The following CNTLN variants were observed in gnomAD, a reference collection of about 807,000 sequenced individuals.
The protein encoded by CNTLN is centlein, also known as centlein, centrosomal protein.
CNTLN carries 212 observed loss-of-function variants against 180.0 expected under a neutral mutation model. The observed-to-expected ratio is 1.18, with a 90% CI of 1.05 to 1.32. The LOEUF (loss-of-function observed/expected upper bound fraction) is 1.32. Ranked by LOEUF, CNTLN falls within the 40% of genes most tolerant of loss-of-function variation. CNTLN has a pLI of 0.00. For missense variants in CNTLN, 2,095 were observed against 1,610.9 expected (o/e 1.30, Z -5.14); for synonymous variants, 722 against 563.1 (o/e 1.28, Z -3.99).
intron 2 of CNTLN, among the ~76,000 whole-genome samples, chr9:17,171,711 G>T (rs1238098705): frequency 1.3e-5 from 2 of 152,088 alleles, no homozygotes; most frequent in Middle Eastern, 3.2e-3. Context: ...GGTAGCAGTG[G>T]TTCTAGTATC....
At chr9:17,477,648 A>G (rs546084124) in intron 23 of CNTLN, among the ~76,000 whole-genome samples, 90 of 152,340 alleles carry the variant, frequency 5.9e-4, no homozygotes, top group Non-Finnish European at 1.1e-3. Context: ...AAAATTAGAA[A>G]TGGAGCCCAA....
chr9:17,418,688 AT>A (rs897074482), intron 18 of CNTLN, among the ~76,000 whole-genome samples: 43 of 151,764 alleles, frequency 2.8e-4, no homozygotes, highest in African/African-American at 9.2e-4. Context: ...AACCCTCAAC[AT>A]TTTTTTTATT....
At chr9:17,390,223 T>G (rs1370954140) in intron 14 of CNTLN, among the ~76,000 whole-genome samples, 1 of 140,868 alleles carries the variant, frequency 7.1e-6, no homozygotes, top group South Asian at 2.3e-4. Flanking sequence ...ATTTCAGTTT[T>G]GAAAAGAGCC....
intron 12 of CNTLN, among the ~76,000 whole-genome samples, chr9:17,354,618 A>G (rs1014623150): frequency 1.3e-5 from 2 of 151,996 alleles, no homozygotes; most frequent in African/African-American, 4.8e-5. Flanking sequence ...AACTAATCTG[A>G]TGGGGACGTG....
At chr9:17,352,190 A>G (rs1217101917) in intron 12 of CNTLN, among the ~76,000 whole-genome samples, 1 of 152,032 alleles carries the variant, frequency 6.6e-6, no homozygotes, top group Non-Finnish European at 1.5e-5. Flanking sequence ...AATGTAAGCT[A>G]CAGATCAGTG....
chr9:17,185,771 TTGTGTGTGTG>T (rs371473319), intron 2 of CNTLN, among the ~76,000 whole-genome samples: 21 of 143,728 alleles, frequency 1.5e-4, no homozygotes, highest in Middle Eastern at 3.5e-3. Flanking sequence ...TGTTTCCCAT[TTGTGTGTGTG>T]TGTGTGTGTG....
chr9:17,201,978 A>G (rs923615166), intron 2 of CNTLN, among the ~76,000 whole-genome samples: 2 of 152,218 alleles, frequency 1.3e-5, no homozygotes, highest in Non-Finnish European at 2.9e-5. Flanking sequence ...ATTTAGTGCT[A>G]TAAATTTCCT....
At chr9:17,154,009 C>T (rs1819083720) in intron 2 of CNTLN, among the ~76,000 whole-genome samples, 1 of 152,122 alleles carries the variant, frequency 6.6e-6, no homozygotes, top group Non-Finnish European at 1.5e-5. Flanking sequence ...TCTGTCAGGT[C>T]TTTTATGTTC....
intron 8 of CNTLN, among the ~76,000 whole-genome samples, chr9:17,316,318 G>T (rs866780889): frequency 1.3e-5 from 2 of 151,984 alleles, no homozygotes; most frequent in Middle Eastern, 6.8e-3. Context: ...TTCAATATAT[G>T]TGCCTTTTAA....
At chr9:17,332,454 C>T (rs972237277) in intron 9 of CNTLN, 151 bp from the exon 10 acceptor site, 2 of 637,826 alleles carry the variant, frequency 3.1e-6, no homozygotes, top group Non-Finnish European at 2.6e-6. Context: ...TGTGGTAATT[C>T]CGCTTGTTAT....
chr9:17,434,679 G>A (rs1164497931), intron 18 of CNTLN, among the ~76,000 whole-genome samples: 4 of 151,946 alleles, frequency 2.6e-5, no homozygotes, highest in Non-Finnish European at 5.9e-5. Context: ...ACAAAATTAC[G>A]ATTTCAGCTG....
intron 5 of CNTLN, among the ~76,000 whole-genome samples, chr9:17,242,787 G>A (rs1177814161): frequency 1.3e-5 from 2 of 152,148 alleles, no homozygotes; most frequent in African/African-American, 4.8e-5. Context: ...GTGTTCATCA[G>A]GAATATTGGC....
intron 18 of CNTLN, among the ~76,000 whole-genome samples, chr9:17,446,566 T>C (rs1830438821): frequency 6.6e-6 from 1 of 152,188 alleles, no homozygotes. Flanking sequence ...ATATTCATAC[T>C]TTTCAGAGGC....
At chr9:17,523,484 G>C in the CNTLN span, among the ~76,000 whole-genome samples, 1 of 152,210 alleles carries the variant, frequency 6.6e-6, no homozygotes, top group South Asian at 2.1e-4. Context: ...TGATACTCCT[G>C]CCTCAGCCTC....
At chr9:17,342,485 T>A (rs1821560605) in intron 12 of CNTLN, 41 bp downstream of exon 12, 2 of 1,538,014 alleles carry the variant, frequency 1.3e-6, no homozygotes, top group East Asian at 4.6e-5. Context: ...GATAAAATAC[T>A]TGGGAGAAAT....
chr9:17,297,085 A>G (rs915740070), intron 6 of CNTLN, among the ~76,000 whole-genome samples: 10 of 152,178 alleles, frequency 6.6e-5, no homozygotes, highest in African/African-American at 2.2e-4. Flanking sequence ...GATTCAACCA[A>G]TCATGAATTG....
intron 2 of CNTLN, among the ~76,000 whole-genome samples, chr9:17,217,719 A>G (rs755446544): frequency 3.3e-5 from 5 of 152,210 alleles, no homozygotes; most frequent in Middle Eastern, 3.2e-3. Flanking sequence ...ATAATACACA[A>G]TCTTTTCCTA....
In CNTLN at chr9:17,455,875, C is replaced by A. The variant is rs72707693; in HGVS notation, c.3115-1649C>A. Among the ~76,000 whole-genome samples, 416 of 151,870 alleles carry A rather than the reference C, an allele frequency of 2.7e-3. 1 individual carries two copies. The highest frequency in any genetic ancestry group is 4.3e-3 in the Non-Finnish European group (291 of 67,978). Reference sequence around the variant, plus strand: ...TGCCTGACTGCAACACAAATTGAAGCCTAATCTTAGAGAGCCTTATTATCC... The same window carrying A: ...TGCCTGACTGCAACACAAATTGAAGACTAATCTTAGAGAGCCTTATTATCC... On this transcript the variant is annotated intron_variant, in intron 18 of 25. Transcript: ENST00000380647.
intron 3 of CNTLN, among the ~76,000 whole-genome samples, chr9:17,230,406 G>A (rs751549920): frequency 1.4e-4 from 21 of 148,408 alleles, no homozygotes; most frequent in Non-Finnish European, 2.8e-4. Flanking sequence ...GGGGAGGAGA[G>A]GAAGCGGTCT....
Sources: allele counts gnomAD v4.1 joint callset (sites outside exome capture counted in the v4.1 genomes callset), GRCh38; gene constraint gnomAD v4.1.1; transcripts MANE v1.5; gene names NCBI Gene and HGNC (gene_info 2026-07-23, HGNC 2026-07-21).